The following ALS2CL variants were observed in gnomAD, a reference collection of about 807,000 sequenced individuals.
ALS2CL encodes the protein ALS2 C-terminal-like protein.
In ALS2CL, 112 loss-of-function variants were observed where a neutral mutation model predicts 127.9. That is an observed-to-expected ratio of 0.88 (90% CI 0.75 to 1.02). The LOEUF (loss-of-function observed/expected upper bound fraction) is 1.02, where lower values mean the gene tolerates loss of function less well. ALS2CL is among the 50% of genes least tolerant of loss of function. The pLI is 0.00. For synonymous variants in ALS2CL, 519 were observed against 527.6 expected (o/e 0.98, Z 0.22); for missense variants, 1,174 against 1,236.7 (o/e 0.95, Z 0.76).
In ALS2CL at chr3:46,674,725, T is replaced by C. The variant is rs2106692764; in HGVS notation, c.2270A>G (p.His757Arg). ...EDTETRDLQV[H>R]GLVLPLMLPS... ...CAGCATGAGGGGCAGCACCAATCCA[T>C]GCACCTGGAGGTCCCTGATGGGGAG... The change falls in exon 21 of 26, where the codon CAT becomes CGT. Residue 757 changes from histidine (H) to arginine (R), a missense_variant. His to Arg is a conservative substitution (Grantham distance 29). Coordinates refer to ENST00000318962, the MANE Select transcript of ALS2CL (RefSeq NM_147129.5). 1 of 1,611,658 alleles carries C rather than the reference T, an allele frequency of 6.2e-7. No individual in the cohort carries two copies. Among genetic ancestry groups the C allele is most frequent in the Non-Finnish European group, 8.5e-7 (1 of 1,178,930 alleles).
Position 46,686,246 on chromosome 3 carries a change from C to G in ALS2CL, c.666+62G>C. ...GAATACAGCAAGCAGCTCAAGCCCC[C>G]CAACATCTCCATGCCCAATGTGGAA... On this transcript the variant is annotated intron_variant, in intron 6 of 25. Coordinates refer to ENST00000318962, the MANE Select transcript of ALS2CL (RefSeq NM_147129.5). The surrounding 1 kb of genome is among the most constrained non-coding windows in gnomAD (Gnocchi z 4.3). 6.5e-7 allele frequency: 1 copy of G among 1,529,166 alleles called. No individual in the cohort carries two copies. The allele number at this position is 1,529,166 out of a possible 1,614,324, so 94.7% of individuals were successfully genotyped here. A position where few individuals can be genotyped will look rare whatever the true frequency, so the allele number is the denominator to read the frequency against.
In ALS2CL at chr3:46,686,471, G is replaced by A. The variant is rs1383468565; in HGVS notation, c.535-32C>T. The A allele has an allele frequency of 6.2e-7, 1 of 1,600,004 alleles. No individual in the cohort carries two copies. The highest frequency in any genetic ancestry group is 1.1e-5 in the South Asian group (1 of 88,360). On this transcript the variant is annotated intron_variant, in intron 5 of 25. Transcript: ENST00000318962. The surrounding 1 kb of genome is among the most constrained non-coding windows in gnomAD (Gnocchi z 4.3). ...GGGGACAGGGCAGCCAGTGAGAGGA[G>A]AGCTTACTGGAATCTTCCCTAGCCC... is the stretch of plus-strand genomic sequence containing the variant.
At chr3:46,691,838 G>A (rs1434667025) in intron 1 of ALS2CL, among the ~76,000 whole-genome samples, 3 of 151,514 alleles carry the variant, frequency 2.0e-5, no homozygotes, top group African/African-American at 4.9e-5. Context: ...GATTACAGGC[G>A]TGAGCCACTG....
chr3:46,672,654 T>G (rs187289282), intron 22 of ALS2CL, among the ~76,000 whole-genome samples: 1 of 152,244 alleles, frequency 6.6e-6, no homozygotes, highest in Non-Finnish European at 1.5e-5. Context: ...GCAGGCACAT[T>G]TTGAGAACAG....
At chr3:46,683,068 G>T in intron 10 of ALS2CL, 62 bp downstream of exon 10, 2 of 1,452,352 alleles carry the variant, frequency 1.4e-6, no homozygotes, top group Non-Finnish European at 1.8e-6. Flanking sequence ...CTTGTGTGCT[G>T]CTCTCTGCCC....
Position 46,686,442 on chromosome 3 carries a change from G to A in ALS2CL, c.535-3C>T. The A allele has an allele frequency of 6.2e-7, 1 of 1,611,982 alleles. No individual in the cohort carries two copies. The highest frequency in any genetic ancestry group is 8.5e-7 in the Non-Finnish European group (1 of 1,179,028). ...ACCAGCTCCCGGGTTGGGTGATGCTGAAGGGGGACAGGGCAGCCAGTGAGA... is the reference window on the plus strand; with the variant it reads ...ACCAGCTCCCGGGTTGGGTGATGCTAAAGGGGGACAGGGCAGCCAGTGAGA... On this transcript the variant is annotated splice_region_variant and splice_polypyrimidine_tract_variant and intron_variant, in intron 5 of 25. Transcript: ENST00000318962. This position sits in a 1 kb window ranked among gnomAD's most constrained non-coding sequence, Gnocchi z 4.3.
Position 46,676,227 on chromosome 3 carries a change from G to A in ALS2CL, c.2186+18C>T, listed in dbSNP as rs536796717. On this transcript the variant is annotated intron_variant, in intron 19 of 25. Transcript: ENST00000318962. ...AGTGTCACAGGGCAGTAGCTGTCCC[G>A]TTTGCCACCGAGCCCACCTGTAGGC... 96 of 1,609,316 alleles carry A rather than the reference G, an allele frequency of 6.0e-5. 3 individuals carry two copies. In the South Asian group the frequency reaches 6.8e-4, roughly 11 times the overall value.
chr3:46,675,357 A>G (rs1284027082), intron 20 of ALS2CL: 6 of 461,168 alleles, frequency 1.3e-5, no homozygotes, highest in Non-Finnish European at 2.3e-5. Flanking sequence ...CACCTTCTGC[A>G]TGCGAAAGAT....
At chr3:46,684,521 G>T (rs1399426643) in intron 7 of ALS2CL, among the ~76,000 whole-genome samples, 1 of 152,170 alleles carries the variant, frequency 6.6e-6, no homozygotes, top group Non-Finnish European at 1.5e-5. Flanking sequence ...ATCCTGCTCT[G>T]ACAGCCAGAA....
rs1447455258 is a variant in ALS2CL, at chr3:46,679,345, T to G, written c.1549-58A>C. ...GGTGGGTGAGGAAGGGCCAGGAAAC[T>G]CAGGGTGGAGAGAGATGGCCAAAGA... On this transcript the variant is annotated intron_variant, in intron 14 of 25. Coordinates refer to ENST00000318962, the MANE Select transcript of ALS2CL (RefSeq NM_147129.5). 17 of 1,435,630 alleles carry G rather than the reference T, an allele frequency of 1.2e-5. No homozygotes were observed. The Admixed American group carries it at 3.2e-4, about 27-fold the overall frequency. The allele number at this position is 1,435,630 out of a possible 1,614,324, so 88.9% of individuals were successfully genotyped here.
At position 46,681,654 on chromosome 3, in the gene ALS2CL, C is replaced by A; in HGVS notation, c.1176-56G>T. ...GCCCTGACCTGAGACGCCCATTACA[C>A]CTACTCCATGCCACCCAGGAGTATC... On this transcript the variant is annotated intron_variant, in intron 11 of 25. Coordinates refer to ENST00000318962, the MANE Select transcript of ALS2CL (RefSeq NM_147129.5). This position sits in a 1 kb window ranked among gnomAD's most constrained non-coding sequence, Gnocchi z 4.9. The A allele has an allele frequency of 1.3e-6, 2 of 1,560,252 alleles. No homozygotes were observed. Among genetic ancestry groups the A allele is most frequent in the Non-Finnish European group, 1.8e-6 (2 of 1,134,130 alleles).
At chr3:46,675,896 G>A in intron 19 of ALS2CL, 2 of 1,436,394 alleles carry the variant, frequency 1.4e-6, no homozygotes, top group South Asian at 3.0e-5. Flanking sequence ...TAGCATCTAA[G>A]GCTTCTATTT....
At chr3:46,679,187 AG>A (rs1559467749) in intron 15 of ALS2CL, 22 bp downstream of exon 15, 1 of 1,547,644 alleles carries the variant, frequency 6.5e-7, no homozygotes, top group Non-Finnish European at 8.7e-7. Flanking sequence ...CAGGGTGTGG[AG>A]GGGGGCCTCA....
rs950242171 is a variant in ALS2CL at position 46,674,755 on chromosome 3, G to C, written c.2256-16C>G. ...CTGGAGGTCCCTGATGGGGAGACCGGAACAGGTTGGGATGAGCAAGGTGGG... is the reference window on the plus strand; with the variant it reads ...CTGGAGGTCCCTGATGGGGAGACCGCAACAGGTTGGGATGAGCAAGGTGGG... On this transcript the variant is annotated splice_polypyrimidine_tract_variant and intron_variant, in intron 20 of 25. Coordinates refer to ENST00000318962, the MANE Select transcript of ALS2CL (RefSeq NM_147129.5). The C allele has an allele frequency of 1.3e-6, 2 of 1,590,818 alleles. No individual in the cohort carries two copies. The highest frequency in any genetic ancestry group is 1.8e-5 in the Admixed American group (1 of 56,420).
intron 7 of ALS2CL, 86 bp from the exon 8 acceptor site, chr3:46,684,133 CT>C: frequency 1.4e-6 from 2 of 1,453,374 alleles, no homozygotes; most frequent in Non-Finnish European, 1.9e-6. Context: ...CAAGCTCAAC[CT>C]TGTGTGGCCA....
At chr3:46,692,929 C>T (rs1480505262) in intron 1 of ALS2CL, among the ~76,000 whole-genome samples, 1 of 152,212 alleles carries the variant, frequency 6.6e-6, no homozygotes, top group Non-Finnish European at 1.5e-5. Context: ...TCTGGTATTT[C>T]CTGGTCTGAA....
intron 1 of ALS2CL, among the ~76,000 whole-genome samples, chr3:46,691,234 G>A (rs1181527265): frequency 6.6e-6 from 1 of 152,186 alleles, no homozygotes; most frequent in Non-Finnish European, 1.5e-5. Flanking sequence ...AGGCGCTTTG[G>A]GGGTGACCTT....
Position 46,689,384 on chromosome 3 carries a change from G to A in ALS2CL, c.57C>T (p.Thr19=), listed in dbSNP as rs1700016723. The A allele has an allele frequency of 6.2e-7, 1 of 1,612,318 alleles. No individual in the cohort carries two copies. Among genetic ancestry groups the A allele is most frequent in the African/African-American group, 1.3e-5 (1 of 74,916 alleles). The change falls in exon 2 of 26, where the codon ACC becomes ACT. Residue 19 remains threonine (T), a synonymous_variant. Coordinates refer to ENST00000318962, the MANE Select transcript of ALS2CL (RefSeq NM_147129.5). Reference sequence around the variant, plus strand: ...GGACAAGGCTGTTGACATGGGCGAGGGTGGCTGAGAAGACCTCCTCCAGCC... The same window carrying A: ...GGACAAGGCTGTTGACATGGGCGAGAGTGGCTGAGAAGACCTCCTCCAGCC... ...LLRLEEVFSA[T]LAHVNSLVLQ... is the part of the protein sequence containing the mutation.
At chr3:46,674,976 G>A (rs1575412142) in intron 20 of ALS2CL, 1 of 442,220 alleles carries the variant, frequency 2.3e-6, no homozygotes, top group East Asian at 3.9e-5. Context: ...GCAGGAGTTG[G>A]ATCCCCATTT....
Sources: gnomAD v4.1 joint callset for allele counts (sites outside exome capture counted in the v4.1 genomes callset) on GRCh38, gnomAD v4.1.1 for gene constraint, Gnocchi (gnomAD v3.1) non-coding constraint, MANE v1.5 for transcripts, NCBI Gene and HGNC (gene_info 2026-07-23, HGNC 2026-07-21) for gene names.